The following PIK3R1 variants were observed in gnomAD, a reference collection of about 807,000 sequenced individuals.
The protein encoded by PIK3R1 is phosphoinositide-3-kinase regulatory subunit 1.
PIK3R1 carries 29 observed loss-of-function variants against 98.0 expected under a neutral mutation model. The ratio of observed to expected loss-of-function variants is 0.30; its 90% confidence interval spans 0.22 to 0.40. The LOEUF is 0.40. Among genes scored for constraint, PIK3R1 ranks in the 10% least tolerant of loss-of-function variants. The pLI is 1.00. For missense variants in PIK3R1, 596 were observed against 872.7 expected (o/e 0.68, Z 3.99); for synonymous variants, 282 against 311.8 (o/e 0.90, Z 1.01).
intron 8 of PIK3R1, chr5:68,292,842 T>C: frequency 1.2e-6 from 1 of 861,026 alleles, no homozygotes; most frequent in Non-Finnish European, 1.7e-6. Flanking sequence ...ATAGTGAAAG[T>C]GATATGCACC....
At chr5:68,279,889 A>G (rs1173518541) in intron 5 of PIK3R1, among the ~76,000 whole-genome samples, 156 bp downstream of exon 5, 5 of 152,228 alleles carry the variant, frequency 3.3e-5, no homozygotes. Flanking sequence ...CCTCCACCCA[A>G]GCATCCAAGA....
chr5:68,248,041 G>T (rs1201804013), intron 2 of PIK3R1, among the ~76,000 whole-genome samples: 2 of 151,750 alleles, frequency 1.3e-5, no homozygotes, highest in Non-Finnish European at 2.9e-5. Flanking sequence ...GCCCAGGCTG[G>T]AGTGCAGTGG....
At chr5:68,216,763 A>AAACCATAGCTCTAACACTAGTGAGCTCT (rs1743899290) in intron 1 of PIK3R1, among the ~76,000 whole-genome samples, 1 of 151,296 alleles carries the variant, frequency 6.6e-6, no homozygotes, top group African/African-American at 2.4e-5. Flanking sequence ...AATTCTCTGG[A>AAACCATAGCTCTAACACTAGTGAGCTCT]AACCACAGCT....
chr5:68,241,365 AGGT>A (rs1314474016), intron 2 of PIK3R1, among the ~76,000 whole-genome samples: 1 of 143,508 alleles, frequency 7.0e-6, no homozygotes, highest in Non-Finnish European at 1.5e-5. Flanking sequence ...TTTGCTGAAA[AGGT>A]GGTGGTTACA....
Position 68,225,234 on chromosome 5 carries a change from A to AT in PIK3R1, c.-386-1041dup, listed in dbSNP as rs568329582. On this transcript the variant is annotated intron_variant, in intron 1 of 15. Coordinates refer to ENST00000521381, the MANE Select transcript of PIK3R1 (RefSeq NM_181523.3). ...AACTTCACTATTTGGCCCTTGGATC[A>AT]TTTTTTTTTTTTTTTAACTTTTGAT... Among the ~76,000 whole-genome samples, 648 of 137,724 alleles carry AT rather than the reference A, an allele frequency of 4.7e-3. 3 individuals carry two copies. Among genetic ancestry groups the AT allele is most frequent in the South Asian group, 0.02 (85 of 4,304 alleles). 90.4% of individuals were successfully genotyped at this position (137,724 alleles called of 152,430 possible). A position where few individuals can be genotyped will look rare whatever the true frequency, so the allele number is the denominator to read the frequency against.
intron 2 of PIK3R1, among the ~76,000 whole-genome samples, chr5:68,268,890 G>A (rs1426017413): frequency 6.6e-6 from 1 of 152,212 alleles, no homozygotes; most frequent in Non-Finnish European, 1.5e-5. Flanking sequence ...TGGTGCCCAA[G>A]GACTGTCGAG....
chr5:68,267,099 G>A (rs1369379679), intron 2 of PIK3R1, among the ~76,000 whole-genome samples: 2 of 152,162 alleles, frequency 1.3e-5, no homozygotes, highest in East Asian at 3.8e-4. Flanking sequence ...AGGAGAGGAG[G>A]AAATCCCTTT....
rs145746991 is a variant in PIK3R1 at position 68,222,845 on chromosome 5, C to A, written c.-386-3445C>A. Among the ~76,000 whole-genome samples the A allele has an allele frequency of 7.9e-5, 12 of 152,178 alleles. No homozygotes were observed. The East Asian group carries it at 2.1e-3, about 27-fold the overall frequency. On this transcript the variant is annotated intron_variant, in intron 1 of 15. Coordinates refer to ENST00000521381, the MANE Select transcript of PIK3R1 (RefSeq NM_181523.3). ...GCAAGTTGAGTTCAGGCAGTAGATG[C>A]TGGAGGTGTTAAAAATGGGACTTAC...
intron 7 of PIK3R1, among the ~76,000 whole-genome samples, chr5:68,287,321 G>A (rs185036087): frequency 2.6e-5 from 4 of 151,562 alleles, no homozygotes; most frequent in African/African-American, 4.9e-5. Context: ...TTTTTTTTAC[G>A]TTCTCTAGCA....
intron 2 of PIK3R1, chr5:68,239,973 A>T: frequency 2.1e-6 from 1 of 487,300 alleles, no homozygotes; most frequent in African/African-American, 1.9e-5. Context: ...TTCCTCCTGC[A>T]TGTTGGAAAC....
chr5:68,235,682 T>C (rs1008443215), intron 2 of PIK3R1, among the ~76,000 whole-genome samples: 1 of 146,636 alleles, frequency 6.8e-6, no homozygotes, highest in Admixed American at 6.6e-5. Flanking sequence ...ATTTTATTGC[T>C]AAATAATAAG....
At chr5:68,292,401 T>A in intron 8 of PIK3R1, 40 bp downstream of exon 8, 1 of 1,531,760 alleles carries the variant, frequency 6.5e-7, no homozygotes, top group Admixed American at 1.7e-5. Flanking sequence ...AGTTTTAGAT[T>A]AAAAGAAAGA....
rs1747977629 is a variant in PIK3R1, at chr5:68,300,450, C to G, written c.*2849C>G. 1 of 232,956 alleles carries G rather than the reference C, an allele frequency of 4.3e-6. No individual in the cohort carries two copies. The highest frequency in any genetic ancestry group is 8.5e-6 in the Non-Finnish European group (1 of 117,970). 14.4% of individuals were successfully genotyped at this position (232,956 alleles called of 1,614,324 possible). On this transcript the variant is annotated 3_prime_UTR_variant, in exon 16 of 16. Transcript: ENST00000521381. Reference sequence around the variant, plus strand: ...TTTATCCATGCGTCAGTTTTTCCCACCCAGTGTAGCATCCTAAAGATAAAG... The same window carrying G: ...TTTATCCATGCGTCAGTTTTTCCCAGCCAGTGTAGCATCCTAAAGATAAAG...
chr5:68,230,585 G>T (rs914643013), intron 2 of PIK3R1, among the ~76,000 whole-genome samples: 1 of 152,174 alleles, frequency 6.6e-6, no homozygotes, highest in Non-Finnish European at 1.5e-5. Flanking sequence ...ACCATTGCCT[G>T]GTATGTCTCC....
In PIK3R1 at chr5:68,274,010, T is replaced by A; in HGVS notation, c.499T>A (p.Cys167Ser). 6.2e-7 allele frequency: 1 copy of A among 1,612,558 alleles called. No individual in the cohort carries two copies. Among genetic ancestry groups the A allele is most frequent in the South Asian group, 1.1e-5 (1 of 91,060 alleles). Residue 167 changes from cysteine to serine, a missense_variant, in exon 4 of 16, where the codon TGT (cysteine) becomes AGT (serine). Cys to Ser is a moderately radical substitution (Grantham distance 112). Coordinates refer to ENST00000521381, the MANE Select transcript of PIK3R1 (RefSeq NM_181523.3). ...GGCAGAATTACGACAGCTTCTTGAT[T>A]GTGGTGAGTGTCACAGAGCTAGAAA... ...NLAELRQLLD[C>S]DTPSVDLEMI... is the part of the protein sequence containing the mutation.
intron 7 of PIK3R1, among the ~76,000 whole-genome samples, chr5:68,284,242 C>A (rs756019749): frequency 5.3e-5 from 8 of 152,228 alleles, no homozygotes; most frequent in Non-Finnish European, 8.8e-5. Flanking sequence ...TTCAGCAGGT[C>A]TGATTCCTTC....
In PIK3R1 at chr5:68,300,533, C is replaced by T. The variant is rs1420781515; in HGVS notation, c.*2932C>T. 4.3e-6 allele frequency: 1 copy of T among 233,082 alleles called. No individual in the cohort carries two copies. The highest frequency in any genetic ancestry group is 2.2e-5 in the African/African-American group (1 of 45,326). The allele number at this position is 233,082 out of a possible 1,614,324, so 14.4% of individuals were successfully genotyped here. A position where few individuals can be genotyped will look rare whatever the true frequency, so the allele number is the denominator to read the frequency against. Reference sequence around the variant, plus strand: ...GGCGTAGAAGTGGGAGCATTGGGACCTCACATTACACACACGAGAGATCAT... The same window carrying T: ...GGCGTAGAAGTGGGAGCATTGGGACTTCACATTACACACACGAGAGATCAT... On this transcript the variant is annotated 3_prime_UTR_variant, in exon 16 of 16. Transcript: ENST00000521381.
intron 5 of PIK3R1, chr5:68,280,234 C>G (rs1580244345): frequency 2.3e-6 from 1 of 437,404 alleles, no homozygotes; most frequent in East Asian, 3.7e-5. Context: ...TCTGAGTTAG[C>G]CAATCACACT....
intron 7 of PIK3R1, among the ~76,000 whole-genome samples, chr5:68,287,932 G>T (rs1747146349): frequency 1.3e-5 from 2 of 152,120 alleles, no homozygotes; most frequent in South Asian, 2.1e-4. Flanking sequence ...CTCCCTGCCC[G>T]AGTTGCTCAC....
Sources: allele counts gnomAD v4.1 joint callset (sites outside exome capture counted in the v4.1 genomes callset), GRCh38; gene constraint gnomAD v4.1.1; transcripts MANE v1.5; gene names NCBI Gene and HGNC (gene_info 2026-07-23, HGNC 2026-07-21).